The following SLCO5A1 variants were observed in gnomAD, a reference collection of about 807,000 sequenced individuals.
The protein encoded by SLCO5A1 is organic anion transporter polypeptide-related protein 4.
Under a neutral mutation model 65.1 loss-of-function variants are expected in SLCO5A1, and 39 were observed. The observed-to-expected ratio is 0.60, with a 90% CI of 0.46 to 0.78. SLCO5A1 has a LOEUF of 0.78. Among genes scored for constraint, SLCO5A1 ranks in the 30% least tolerant of loss-of-function variants. The probability of loss-of-function intolerance (pLI) is 0.00; values close to 1 mark genes in which losing one functional copy is unlikely to be tolerated. For missense variants in SLCO5A1, 1,029 were observed against 1,069.4 expected (o/e 0.96, Z 0.53); for synonymous variants, 438 against 415.7 (o/e 1.05, Z -0.65).
rs1169061044 is a variant in SLCO5A1, at chr8:69,670,278, G to A, written c.*2591C>T. Reference sequence around the variant, plus strand: ...AGGAGCTGTGACTATAAAGTAATGGGATCAATTTATTAAGAAACATATAAG... The same window carrying A: ...AGGAGCTGTGACTATAAAGTAATGGAATCAATTTATTAAGAAACATATAAG... On this transcript the variant is annotated 3_prime_UTR_variant, in exon 10 of 10. Coordinates refer to ENST00000260126, the MANE Select transcript of SLCO5A1 (RefSeq NM_030958.3). The A allele has an allele frequency of 1.3e-5, 2 of 152,102 alleles. No homozygotes were observed. The highest frequency in any genetic ancestry group is 2.4e-5 in the African/African-American group (1 of 41,414). 9.4% of individuals were successfully genotyped at this position (152,102 alleles called of 1,614,324 possible).
chr8:69,808,871 G>A (rs772486421), intron 2 of SLCO5A1, among the ~76,000 whole-genome samples: 3 of 152,156 alleles, frequency 2.0e-5, no homozygotes, highest in Admixed American at 6.5e-5. Context: ...TTGGGAGGCC[G>A]AGGCAGGTGG....
At position 69,669,137 on chromosome 8, in the gene SLCO5A1, T is replaced by C. The variant is rs2130778788; in HGVS notation, c.*3732A>G. ...TTTGTTCTGTATTAAATATGAACTA[T>C]AAATAAATATTTGAGGTATGTTATG... On this transcript the variant is annotated 3_prime_UTR_variant, in exon 10 of 10. Coordinates refer to ENST00000260126, the MANE Select transcript of SLCO5A1 (RefSeq NM_030958.3). The C allele has an allele frequency of 6.6e-6, 1 of 152,332 alleles. No homozygotes were observed. The highest frequency in any genetic ancestry group is 2.1e-4 in the South Asian group (1 of 4,834). 9.4% of individuals were successfully genotyped at this position (152,332 alleles called of 1,614,324 possible).
At chr8:69,829,707 G>A (rs1039097079) in intron 2 of SLCO5A1, among the ~76,000 whole-genome samples, 2 of 152,084 alleles carry the variant, frequency 1.3e-5, no homozygotes, top group African/African-American at 2.4e-5. Flanking sequence ...GACTTTCAGA[G>A]GACAATTGAG....
At position 69,807,494 on chromosome 8, in the gene SLCO5A1, C is replaced by G. The variant is rs573198499; in HGVS notation, c.907+24273G>C. The stretch of plus-strand genomic sequence containing the variant: ...GTTTTGTATCCGTTAACCAGCGCCT[C>G]CCTTTTCCCCATCCACTTCTGGCCC... On this transcript the variant is annotated intron_variant, in intron 2 of 9. Transcript: ENST00000260126. 5.3e-5 allele frequency among the ~76,000 whole-genome samples: 8 copies of G among 152,276 alleles called. No individual in the cohort carries two copies. The South Asian group carries it at 1.7e-3, about 32-fold the overall frequency.
intron 6 of SLCO5A1, among the ~76,000 whole-genome samples, chr8:69,692,918 A>G (rs1814336170): frequency 6.6e-6 from 1 of 152,242 alleles, no homozygotes; most frequent in Non-Finnish European, 1.5e-5. Flanking sequence ...ATAGTATAGT[A>G]AATGCATAAA....
chr8:69,755,700 A>G, intron 3 of SLCO5A1, 59 bp from the exon 4 acceptor site: 1 of 1,460,850 alleles, frequency 6.8e-7, no homozygotes. Context: ...GTGAGAACAA[A>G]TTAGTAAAGC....
chr8:69,702,392 A>G (rs1814779036), intron 6 of SLCO5A1, among the ~76,000 whole-genome samples: 1 of 151,838 alleles, frequency 6.6e-6, no homozygotes, highest in Non-Finnish European at 1.5e-5. Context: ...TTCTAATTCC[A>G]CTCCAGAGCC....
At chr8:69,771,647 G>A (rs1292217829) in intron 2 of SLCO5A1, among the ~76,000 whole-genome samples, 2 of 152,184 alleles carry the variant, frequency 1.3e-5, no homozygotes, top group South Asian at 2.1e-4. Flanking sequence ...ATGAGAAGCT[G>A]GGCGCAGCAT....
chr8:69,814,801 AG>A (rs1319203176), intron 2 of SLCO5A1, among the ~76,000 whole-genome samples: 1 of 151,910 alleles, frequency 6.6e-6, no homozygotes, highest in African/African-American at 2.4e-5. Flanking sequence ...GAATGGATAT[AG>A]AAAACTATTC....
chr8:69,692,058 C>T (rs1814284760), intron 6 of SLCO5A1, among the ~76,000 whole-genome samples: 1 of 152,120 alleles, frequency 6.6e-6, no homozygotes, highest in Admixed American at 6.5e-5. Flanking sequence ...ACCATCCTGG[C>T]TAACACAGTG....
chr8:69,766,213 C>T (rs1322716640), intron 2 of SLCO5A1, among the ~76,000 whole-genome samples: 2 of 152,168 alleles, frequency 1.3e-5, no homozygotes, highest in Non-Finnish European at 2.9e-5. Context: ...GCCCTTACTT[C>T]CCTACAATGT....
rs113296133 is a variant in SLCO5A1 at position 69,681,600 on chromosome 8, A to G, written c.1782+584T>C. Among the ~76,000 whole-genome samples, 910 of 152,348 alleles carry G rather than the reference A, an allele frequency of 6.0e-3. 17 individuals are homozygous for G. The highest frequency in any genetic ancestry group is 0.021 in the African/African-American group (871 of 41,572). ...AAGAGCAAAACTCCATCTCAAAAAA[A>G]AGAAACAGTAGAATATGAAAACCTT... On this transcript the variant is annotated intron_variant, in intron 7 of 9. Coordinates refer to ENST00000260126, the MANE Select transcript of SLCO5A1 (RefSeq NM_030958.3).
intron 2 of SLCO5A1, among the ~76,000 whole-genome samples, chr8:69,819,108 G>A (rs565526003): frequency 6.6e-6 from 1 of 152,178 alleles, no homozygotes; most frequent in Non-Finnish European, 1.5e-5. Context: ...AGTCTTAGGA[G>A]GCAATGTGTA....
At chr8:69,834,239 A>C (rs1821313820) in intron 1 of SLCO5A1, 1 of 152,356 alleles carries the variant, frequency 6.6e-6, no homozygotes, top group Non-Finnish European at 1.5e-5. Flanking sequence ...GGGGACCCCC[A>C]CTCCACTCCT....
chr8:69,672,658 C>T lies in SLCO5A1; in HGVS notation c.*211G>A. 1.7e-6 allele frequency: 1 copy of T among 582,688 alleles called. No individual in the cohort carries two copies. Among genetic ancestry groups the T allele is most frequent in the Non-Finnish European group, 3.0e-6 (1 of 334,246 alleles). The allele number at this position is 582,688 out of a possible 1,614,324, so 36.1% of individuals were successfully genotyped here. On this transcript the variant is annotated 3_prime_UTR_variant, in exon 10 of 10. Coordinates refer to ENST00000260126, the MANE Select transcript of SLCO5A1 (RefSeq NM_030958.3). ...AATGGGAACAAATCTAGCTGAACGT[C>T]TCCTTCTTGGAGAGAAGCGGGGAAA...
At chr8:69,695,194 C>G (rs138519312) in intron 6 of SLCO5A1, among the ~76,000 whole-genome samples, 1 of 152,274 alleles carries the variant, frequency 6.6e-6, no homozygotes, top group East Asian at 1.9e-4. Flanking sequence ...AAAATATTCA[C>G]ATGATTTAAA....
chr8:69,736,230 C>T (rs1816546631), intron 5 of SLCO5A1, among the ~76,000 whole-genome samples: 1 of 152,266 alleles, frequency 6.6e-6, no homozygotes, highest in African/African-American at 2.4e-5. Context: ...ACTGCCTCAA[C>T]CACACTGCTG....
chr8:69,735,823 A>T (rs1435286850), intron 5 of SLCO5A1, among the ~76,000 whole-genome samples: 2 of 152,194 alleles, frequency 1.3e-5, no homozygotes, highest in Non-Finnish European at 2.9e-5. Flanking sequence ...CCAGAACTTA[A>T]AATTTTTTAA....
At chr8:69,807,616 T>C (rs949736102) in intron 2 of SLCO5A1, among the ~76,000 whole-genome samples, 8 of 152,238 alleles carry the variant, frequency 5.3e-5, no homozygotes, top group East Asian at 1.9e-4. Flanking sequence ...TAGTATGTGT[T>C]TCTCTTTACC....
Sources: gnomAD v4.1 joint callset for allele counts (sites outside exome capture counted in the v4.1 genomes callset) on GRCh38, gnomAD v4.1.1 for gene constraint, MANE v1.5 for transcripts, NCBI Gene and HGNC (gene_info 2026-07-23, HGNC 2026-07-21) for gene names.